The following STAG1 variants were observed in gnomAD, a reference collection of about 807,000 sequenced individuals.
STAG1 encodes STAG1 cohesin complex component.
Under a neutral mutation model 170.9 loss-of-function variants are expected in STAG1, and 26 were observed. That is an observed-to-expected ratio of 0.15 (90% CI 0.11 to 0.21). STAG1 has a LOEUF of 0.21. Ranked by LOEUF, STAG1 falls within the 10% of genes least tolerant of loss-of-function variation. The pLI, the probability that STAG1 is intolerant of heterozygous loss-of-function variation, is 1.00. For synonymous variants in STAG1, 514 were observed against 497.7 expected (o/e 1.03, Z -0.44); for missense variants, 964 against 1,509.5 (o/e 0.64, Z 5.99).
intron 1 of STAG1, among the ~76,000 whole-genome samples, chr3:136,647,887 T>TA (rs1245859790): frequency 1.3e-5 from 2 of 152,334 alleles, no homozygotes; most frequent in Non-Finnish European, 2.9e-5. Flanking sequence ...CCATTGAAAA[T>TA]ACTCTTTGGA....
intron 12 of STAG1, among the ~76,000 whole-genome samples, chr3:136,470,410 G>A (rs2089595550): frequency 6.6e-6 from 1 of 152,176 alleles, no homozygotes; most frequent in Non-Finnish European, 1.5e-5. Flanking sequence ...GGCCATCAGA[G>A]AAATGCAAAT....
chr3:136,376,012 TTAAC>T (rs1349637313), intron 23 of STAG1, among the ~76,000 whole-genome samples: 418 of 14,050 alleles, frequency 0.03, 4 homozygotes, highest in Middle Eastern at 0.045. Flanking sequence ...AAATAAATAA[TTAAC>T]AAAATAAAAT....
intron 10 of STAG1, among the ~76,000 whole-genome samples, 166 bp from the exon 11 acceptor site, chr3:136,473,803 T>TA (rs72041162): frequency 0.085 from 11,913 of 140,874 alleles, 568 homozygotes; most frequent in South Asian, 0.13. Flanking sequence ...CCCTTATATG[T>TA]AAAAAAAAAA....
At chr3:136,371,751 T>C (rs1372417598) in intron 23 of STAG1, among the ~76,000 whole-genome samples, 2 of 152,192 alleles carry the variant, frequency 1.3e-5, no homozygotes, top group Non-Finnish European at 2.9e-5. Flanking sequence ...CTGTTTTGGT[T>C]ACTGTAGCCT....
intron 11 of STAG1, among the ~76,000 whole-genome samples, chr3:136,472,785 G>A (rs1169436787): frequency 6.6e-6 from 1 of 152,162 alleles, no homozygotes; most frequent in Non-Finnish European, 1.5e-5. Context: ...TTTTAAGCAG[G>A]TAAGCCTTCT....
At chr3:136,502,396 C>A (rs1260561467) in intron 8 of STAG1, among the ~76,000 whole-genome samples, 1 of 152,130 alleles carries the variant, frequency 6.6e-6, no homozygotes, top group Non-Finnish European at 1.5e-5. Context: ...AGTTGCCTAA[C>A]TCCCAGACCA....
At chr3:136,723,312 G>A (rs1315750823) in intron 1 of STAG1, among the ~76,000 whole-genome samples, 1 of 135,014 alleles carries the variant, frequency 7.4e-6, no homozygotes, top group African/African-American at 2.9e-5. Context: ...GCCGCCCATC[G>A]TCTGAGATGT....
At chr3:136,602,610 G>A (rs1938726604) in intron 4 of STAG1, among the ~76,000 whole-genome samples, 2 of 152,056 alleles carry the variant, frequency 1.3e-5, no homozygotes, top group Non-Finnish European at 2.9e-5. Flanking sequence ...CAGCACTTTG[G>A]AAGGCAGAGG....
intron 9 of STAG1, among the ~76,000 whole-genome samples, chr3:136,497,754 C>A (rs1933197626): frequency 6.6e-6 from 1 of 151,366 alleles, no homozygotes; most frequent in Admixed American, 6.6e-5. Flanking sequence ...ACTTGGGAGG[C>A]TGAGGCAGGA....
At chr3:136,498,193 A>T (rs1323308846) in intron 9 of STAG1, among the ~76,000 whole-genome samples, 2 of 39,016 alleles carry the variant, frequency 5.1e-5, no homozygotes, top group Non-Finnish European at 1.3e-4. Context: ...ACTCCATCTT[A>T]AAAAAAAAAA....
At chr3:136,367,949 C>A (rs930662363) in intron 24 of STAG1, among the ~76,000 whole-genome samples, 2 of 152,174 alleles carry the variant, frequency 1.3e-5, no homozygotes, top group African/African-American at 4.8e-5. Flanking sequence ...TGTACTGACC[C>A]TCCCGTGTCC....
At chr3:136,742,543 T>A (rs1934721921) in intron 1 of STAG1, among the ~76,000 whole-genome samples, 2 of 151,680 alleles carry the variant, frequency 1.3e-5, no homozygotes, top group Admixed American at 1.3e-4. Flanking sequence ...CAAAACCCCG[T>A]CTCCACTAAA....
At chr3:136,650,921 TA>T (rs11353921) in intron 1 of STAG1, among the ~76,000 whole-genome samples, 92,831 of 143,748 alleles carry the variant, frequency 0.65, 31,176 homozygotes, top group African/African-American at 0.85. Context: ...GTGGTAGAAT[TA>T]AAAAAAAAAA....
chr3:136,498,233 T>TATATATATATATATATATATAA, intron 9 of STAG1, among the ~76,000 whole-genome samples: 1 of 57,512 alleles, frequency 1.7e-5, no homozygotes, highest in Non-Finnish European at 2.8e-5. Flanking sequence ...TATATATATA[T>TATATATATATATATATATATAA]ACACATACAT....
intron 23 of STAG1, among the ~76,000 whole-genome samples, chr3:136,371,980 ACCCATGAG>A (rs900623044): frequency 1.3e-5 from 2 of 152,082 alleles, no homozygotes; most frequent in African/African-American, 4.8e-5. Context: ...GATTCTTCCT[ACCCATGAG>A]CATGGAATGT....
chr3:136,526,586 T>C (rs56125228), intron 6 of STAG1, among the ~76,000 whole-genome samples: 56,968 of 151,994 alleles, frequency 0.37, 11,825 homozygotes, highest in African/African-American at 0.56. Context: ...GAGCATTTAG[T>C]CCATTTACAT....
intron 4 of STAG1, among the ~76,000 whole-genome samples, chr3:136,575,391 AT>A (rs1402959384): frequency 6.6e-6 from 1 of 152,066 alleles, no homozygotes; most frequent in Non-Finnish European, 1.5e-5. Flanking sequence ...TGCCTGGTTA[AT>A]TTTTGTATTT....
At chr3:136,512,143 A>G (rs1934101751) in intron 7 of STAG1, among the ~76,000 whole-genome samples, 1 of 150,464 alleles carries the variant, frequency 6.6e-6, no homozygotes, top group Admixed American at 6.6e-5. Context: ...AAAAGGAAAA[A>G]GAAAGAAAAG....
intron 1 of STAG1, among the ~76,000 whole-genome samples, chr3:136,749,721 G>A (rs1935129435): frequency 6.6e-6 from 1 of 150,748 alleles, no homozygotes; most frequent in Admixed American, 6.6e-5. Context: ...ACTCCAGCCT[G>A]GTGACAGAAT....
Sources: gnomAD v4.1 joint callset for allele counts (sites outside exome capture counted in the v4.1 genomes callset) on GRCh38, gnomAD v4.1.1 for gene constraint, MANE v1.5 for transcripts, NCBI Gene and HGNC (gene_info 2026-07-23, HGNC 2026-07-21) for gene names.